MYBPC1: variants seen among roughly 807,000 people sequenced by gnomAD.
MYBPC1 encodes the protein myosin-binding protein C, slow-type.
MYBPC1 carries 52 observed loss-of-function variants against 147.1 expected under a neutral mutation model. The ratio of observed to expected loss-of-function variants is 0.35; its 90% CI spans 0.28 to 0.45. The LOEUF (loss-of-function observed/expected upper bound fraction) is 0.45. Ranked by LOEUF, MYBPC1 falls within the 20% of genes least tolerant of loss-of-function variation. The probability of loss-of-function intolerance (pLI) is 1.00; values close to 1 mark genes in which losing one functional copy is unlikely to be tolerated. For missense variants in MYBPC1, 1,228 were observed against 1,440.3 expected (o/e 0.85, Z 2.39); for synonymous variants, 477 against 475.9 (o/e 1.00, Z -0.03).
intron 25 of MYBPC1, 79 bp downstream of exon 25, chr12:101,673,701 A>G: frequency 6.7e-7 from 1 of 1,499,066 alleles, no homozygotes; most frequent in South Asian, 1.1e-5. Flanking sequence ...AGGCAAGAGC[A>G]GGAGTTTTGT....
At chr12:101,611,679 C>T (rs1884317905) in intron 1 of MYBPC1, among the ~76,000 whole-genome samples, 1 of 152,092 alleles carries the variant, frequency 6.6e-6, no homozygotes, top group African/African-American at 2.4e-5. Context: ...GAAACAGAAA[C>T]ATAAATATAC....
At chr12:101,636,249 T>C (rs866118032) in intron 9 of MYBPC1, among the ~76,000 whole-genome samples, 1 of 152,292 alleles carries the variant, frequency 6.6e-6, no homozygotes, top group South Asian at 2.1e-4. Context: ...ATTGGTACAC[T>C]TCGTCCTCCA....
intron 1 of MYBPC1, among the ~76,000 whole-genome samples, chr12:101,608,882 G>A (rs146713639): frequency 6.6e-4 from 100 of 152,228 alleles, no homozygotes; most frequent in African/African-American, 2.1e-3. Flanking sequence ...CTTGGCCAGC[G>A]GGAGGGGAAC....
Position 101,671,310 on chromosome 12 carries a change from T to TACAC in MYBPC1, c.2613+926_2613+929dup, listed in dbSNP as rs5800480. Among the ~76,000 whole-genome samples, 71 of 105,440 alleles carry TACAC rather than the reference T, an allele frequency of 6.7e-4. 1 individual carries two copies. Among genetic ancestry groups the TACAC allele is most frequent in the African/African-American group, 1.8e-3 (68 of 37,666 alleles). 69.2% of individuals were successfully genotyped at this position (105,440 alleles called of 152,430 possible). A position where few individuals can be genotyped will look rare whatever the true frequency, so the allele number is the denominator to read the frequency against. On this transcript the variant is annotated intron_variant, in intron 24 of 31. Transcript: ENST00000361466. ...TCTCTACACACATTTGACACTCATA[T>TACAC]ACACACACACACACACACACACACA...
chr12:101,673,076 G>A (rs916286681), intron 24 of MYBPC1, among the ~76,000 whole-genome samples: 2 of 152,182 alleles, frequency 1.3e-5, no homozygotes, highest in Admixed American at 6.5e-5. Context: ...ATCCTGTGTT[G>A]TGCAGGCTTT....
chr12:101,625,430 T>C (rs1207114682), intron 3 of MYBPC1, among the ~76,000 whole-genome samples: 1 of 152,238 alleles, frequency 6.6e-6, no homozygotes, highest in Non-Finnish European at 1.5e-5. Flanking sequence ...GTCCTCATTC[T>C]ACCACACGAT....
Position 101,673,442 on chromosome 12 carries a change from G to A in MYBPC1, c.2629G>A (p.Glu877Lys), listed in dbSNP as rs1432397993. The A allele has an allele frequency of 1.2e-6, 2 of 1,612,746 alleles. No individual in the cohort carries two copies. The highest frequency in any genetic ancestry group is 2.7e-5 in the African/African-American group (2 of 74,980). Reference sequence around the variant, plus strand: ...TTCTTTTTAGGGAAAACCAAGACCAGAATTAACTTGGAAGAAGGATGGTGC... The same window carrying A: ...TTCTTTTTAGGGAAAACCAAGACCAAAATTAACTTGGAAGAAGGATGGTGC... ...VIPFQGKPRP[E>K]LTWKKDGAEI... is the part of the protein sequence containing the mutation. The change falls in exon 25 of 32, where the codon GAA (glutamate) becomes AAA (lysine). Residue 877 changes from glutamate (E) to lysine (K), a missense_variant. Glu to Lys is a moderately conservative substitution (Grantham distance 56, BLOSUM62 1). Transcript: ENST00000361466.
In MYBPC1 at chr12:101,595,019, A is replaced by T. The variant is rs1193667534; in HGVS notation, c.-52A>T. 3 of 1,591,916 alleles carry T rather than the reference A, an allele frequency of 1.9e-6. No homozygotes were observed. In the South Asian group the frequency reaches 3.3e-5, roughly 18 times the overall value. On this transcript the variant is annotated 5_prime_UTR_variant, in exon 1 of 32. Coordinates refer to ENST00000361466, the MANE Select transcript of MYBPC1 (RefSeq NM_002465.4). ...TCGCCTGCCTGTGGGGTTTCTGTCA[A>T]CTAGTCGTGGAGGGAAGGAGACTCT... is the stretch of plus-strand genomic sequence containing the variant.
intron 16 of MYBPC1, 37 bp downstream of exon 16, chr12:101,651,430 C>A: frequency 1.2e-6 from 2 of 1,610,564 alleles, no homozygotes; most frequent in South Asian, 2.2e-5. Context: ...GAGGTTTGGT[C>A]CCATTTCTAC....
chr12:101,626,608 CAT>C (rs1184937999), intron 3 of MYBPC1, among the ~76,000 whole-genome samples: 4 of 152,192 alleles, frequency 2.6e-5, no homozygotes, highest in Non-Finnish European at 4.4e-5. Flanking sequence ...CCTACAGTCA[CAT>C]AAAAAATTTG....
chr12:101,681,235 T>C (rs917492799), intron 29 of MYBPC1, among the ~76,000 whole-genome samples: 12 of 152,048 alleles, frequency 7.9e-5, no homozygotes, highest in African/African-American at 2.9e-4. Flanking sequence ...ATTTTTATGC[T>C]GATATTTTTC....
rs376678077 is a variant in MYBPC1, at chr12:101,649,339, A to G, written c.1276A>G (p.Ile426Val). Reference protein sequence around the residue: ...IRVEGKKHILIIEGATKADAA... With the variant: ...IRVEGKKHILVIEGATKADAA... ...AGTTGAGGGTAAAAAACACATCTTG[A>G]TCATAGAGGGAGCAACAAAGGCTGA... Residue 426 changes from isoleucine (I) to valine (V), a missense_variant, in exon 15 of 32, where the codon ATC (isoleucine) becomes GTC (valine). Coordinates refer to ENST00000361466, the MANE Select transcript of MYBPC1 (RefSeq NM_002465.4). The G allele has an allele frequency of 2.5e-5, 41 of 1,613,894 alleles. No individual in the cohort carries two copies. The highest frequency in any genetic ancestry group is 1.6e-4 in the Middle Eastern group (1 of 6,082).
At chr12:101,608,020 T>C (rs1882903440) in intron 1 of MYBPC1, among the ~76,000 whole-genome samples, 1 of 152,210 alleles carries the variant, frequency 6.6e-6, no homozygotes, top group Non-Finnish European at 1.5e-5. Context: ...GTCTATTTCA[T>C]AGCTGCCACC....
intron 9 of MYBPC1, among the ~76,000 whole-genome samples, chr12:101,635,995 A>G (rs1009840550): frequency 6.6e-6 from 1 of 152,264 alleles, no homozygotes; most frequent in Non-Finnish European, 1.5e-5. Flanking sequence ...TTAAACTGCT[A>G]GTAAAAGTTT....
intron 18 of MYBPC1, among the ~76,000 whole-genome samples, chr12:101,654,271 T>C (rs1355793450): frequency 6.6e-6 from 1 of 152,132 alleles, no homozygotes; most frequent in African/African-American, 2.4e-5. Flanking sequence ...ACTTCTACTT[T>C]CAACCAGAAT....
intron 3 of MYBPC1, among the ~76,000 whole-genome samples, chr12:101,619,017 G>T (rs997353129): frequency 6.6e-6 from 1 of 151,988 alleles, no homozygotes; most frequent in Non-Finnish European, 1.5e-5. Flanking sequence ...TAAGTGAATG[G>T]AAGTTTATAA....
chr12:101,678,212 A>C lies in MYBPC1; in HGVS notation c.3220A>C (p.Asn1074His). 6.2e-7 allele frequency: 1 copy of C among 1,614,136 alleles called. No homozygotes were observed. Among genetic ancestry groups the C allele is most frequent in the Non-Finnish European group, 8.5e-7 (1 of 1,179,974 alleles). Residue 1074 changes from asparagine to histidine, a missense_variant, in exon 28 of 32, where the codon AAC (asparagine) becomes CAC (histidine). By Grantham distance (68) the Asn-to-His change is moderately conservative (BLOSUM62 1). This residue lies in a region of MYBPC1 where 1,077 missense variants were observed against 1,314.2 expected (regional missense o/e 0.82). Coordinates refer to ENST00000361466, the MANE Select transcript of MYBPC1 (RefSeq NM_002465.4). ...YAIAGYNATL[N>H]CSVRGNPKPK... is the part of the protein sequence containing the mutation. ...CATAGCTGGTTACAATGCCACCCTA[A>C]ACTGCAGTGTGAGAGGAAATCCTAA...
At chr12:101,631,768 TA>T (rs774513750) in intron 7 of MYBPC1, 49 bp downstream of exon 7, 1 of 1,611,288 alleles carries the variant, frequency 6.2e-7, no homozygotes, top group African/African-American at 1.3e-5. Context: ...GCATTCCTTC[TA>T]TGTGAATAAA....
chr12:101,649,257 C>T lies in MYBPC1; in HGVS notation c.1197-3C>T, dbSNP rs1893889824. 6.2e-7 allele frequency: 1 copy of T among 1,611,750 alleles called. No homozygotes were observed. ...ACCTTTTTAATATTTTATCTTAATT[C>T]AGGTTTAAGAATGGTGAAGAGATTA... is the stretch of plus-strand genomic sequence containing the variant. On this transcript the variant is annotated splice_polypyrimidine_tract_variant and splice_region_variant and intron_variant, in intron 14 of 31. Transcript: ENST00000361466.
Sources: gnomAD v4.1 joint callset for allele counts (sites outside exome capture counted in the v4.1 genomes callset) on GRCh38, gnomAD v4.1.1 for gene constraint, gnomAD v4.1.1 regional missense constraint, MANE v1.5 for transcripts, NCBI Gene and HGNC (gene_info 2026-07-23, HGNC 2026-07-21) for gene names.